The following ZFPM2 variants were observed in gnomAD, a reference collection of about 807,000 sequenced individuals.
ZFPM2 encodes zinc finger protein ZFPM2.
In ZFPM2, 20 loss-of-function variants were observed where a neutral mutation model predicts 98.6. The ratio of observed to expected loss-of-function variants is 0.20; its 90% confidence interval spans 0.14 to 0.29. ZFPM2 has a LOEUF of 0.29. Ranked by LOEUF, ZFPM2 falls within the 10% of genes least tolerant of loss-of-function variation. ZFPM2 has a pLI of 1.00. For missense variants in ZFPM2, 1,310 were observed against 1,388.6 expected (o/e 0.94, Z 0.90); for synonymous variants, 518 against 502.7 (o/e 1.03, Z -0.41).
At chr8:105,522,290 T>C (rs1460078572) in intron 3 of ZFPM2, among the ~76,000 whole-genome samples, 3 of 152,222 alleles carry the variant, frequency 2.0e-5, no homozygotes, top group Non-Finnish European at 4.4e-5. Flanking sequence ...GCATTACTTA[T>C]ATAAAAATGT....
At chr8:105,615,149 AG>A in intron 4 of ZFPM2, among the ~76,000 whole-genome samples, 1 of 151,708 alleles carries the variant, frequency 6.6e-6, no homozygotes, top group South Asian at 2.1e-4. Flanking sequence ...TGTGAAGGGT[AG>A]TAACAAGTCT....
chr8:105,504,069 G>T (rs1448368880), intron 3 of ZFPM2, among the ~76,000 whole-genome samples: 2 of 152,098 alleles, frequency 1.3e-5, no homozygotes, highest in Non-Finnish European at 2.9e-5. Context: ...AAGGAACAGG[G>T]CTTTCTTAGA....
intron 1 of ZFPM2, among the ~76,000 whole-genome samples, chr8:105,324,115 T>C (rs1812075320): frequency 6.6e-6 from 1 of 151,844 alleles, no homozygotes; most frequent in Non-Finnish European, 1.5e-5. Flanking sequence ...AGGAAGACAA[T>C]GCAATTAAGT....
chr8:105,561,858 T>C (rs1815144727), intron 4 of ZFPM2, among the ~76,000 whole-genome samples: 1 of 152,190 alleles, frequency 6.6e-6, no homozygotes. Flanking sequence ...TAAACAACTT[T>C]GTTTTTCCTT....
intron 4 of ZFPM2, among the ~76,000 whole-genome samples, chr8:105,571,946 A>C: frequency 6.6e-6 from 1 of 151,678 alleles, no homozygotes; most frequent in East Asian, 1.9e-4. Context: ...AGCATTGGCA[A>C]GTTTGTGACT....
chr8:105,663,931 A>AC (rs1738928637), intron 5 of ZFPM2, among the ~76,000 whole-genome samples: 1 of 152,142 alleles, frequency 6.6e-6, no homozygotes, highest in African/African-American at 2.4e-5. Flanking sequence ...CTAAGTAAAC[A>AC]CCCCCACTTG....
At chr8:105,686,641 G>A (rs571601771) in intron 5 of ZFPM2, among the ~76,000 whole-genome samples, 4 of 152,120 alleles carry the variant, frequency 2.6e-5, no homozygotes, top group East Asian at 1.9e-4. Flanking sequence ...ATAGTACAAT[G>A]TATAGTACTC....
intron 1 of ZFPM2, among the ~76,000 whole-genome samples, chr8:105,386,704 G>A (rs941762524): frequency 2.6e-5 from 4 of 152,122 alleles, no homozygotes; most frequent in Non-Finnish European, 5.9e-5. Flanking sequence ...ACTGCTGGCT[G>A]GGGCAGCCTG....
At chr8:105,674,331 C>G (rs1387287387) in intron 5 of ZFPM2, among the ~76,000 whole-genome samples, 1 of 152,152 alleles carries the variant, frequency 6.6e-6, no homozygotes, top group Non-Finnish European at 1.5e-5. Flanking sequence ...CTCAGCTGTG[C>G]AAGACACATT....
intron 3 of ZFPM2, among the ~76,000 whole-genome samples, chr8:105,452,222 G>A (rs1326907982): frequency 1.3e-5 from 2 of 152,122 alleles, no homozygotes; most frequent in African/African-American, 4.8e-5. Context: ...TATGCATTAT[G>A]AAGTAAAATA....
rs1173816893 is a variant in ZFPM2, at chr8:105,670,356, C to T, written c.532+35999C>T. On this transcript the variant is annotated intron_variant, in intron 5 of 7. Coordinates refer to ENST00000407775, the MANE Select transcript of ZFPM2 (RefSeq NM_012082.4). ...CTAAAAATGCAAAAAATTAGCTGGG[C>T]GCGGTGGCGGGCGCCTGTAGTCCCA... is the stretch of plus-strand genomic sequence containing the variant. Among the ~76,000 whole-genome samples the T allele has an allele frequency of 7.2e-5, 11 of 151,992 alleles. No individual in the cohort carries two copies. The East Asian group carries it at 7.8e-4, about 11-fold the overall frequency.
Position 105,444,365 on chromosome 8 carries a change from C to T in ZFPM2, c.285C>T (p.Asp95=), listed in dbSNP as rs371910925. 236 of 1,611,264 alleles carry T rather than the reference C, an allele frequency of 1.5e-4. No individual in the cohort carries two copies. Among genetic ancestry groups the T allele is most frequent in the Middle Eastern group, 3.3e-4 (2 of 6,082 alleles). Residue 95 remains aspartate, a synonymous_variant, in exon 3 of 8, where the codon GAC becomes GAT. Transcript: ENST00000407775. ...EKPGQPGVET[D]DWDGPGELEV... ...CGGGGCAACCTGGAGTTGAGACAGACGACTGGGATGGACCAGGTAGGGGAG... is the reference window on the plus strand; with the variant it reads ...CGGGGCAACCTGGAGTTGAGACAGATGACTGGGATGGACCAGGTAGGGGAG...
In ZFPM2 at chr8:105,798,879, C is replaced by G. The variant is rs752653109; in HGVS notation, c.895C>G (p.Pro299Ala). The change falls in exon 7 of 8, where the codon CCC becomes GCC. Residue 299 changes from proline (P) to alanine (A), a missense_variant. Physicochemically the swap from Pro to Ala is conservative, Grantham distance 27 (BLOSUM62 -1). Coordinates refer to ENST00000407775, the MANE Select transcript of ZFPM2 (RefSeq NM_012082.4). Reference protein sequence around the residue: ...DSAHQISSLCPFPQCTKSFSN... With the variant: ...DSAHQISSLCAFPQCTKSFSN... ...TGCCCATCAGATTTCCAGCCTGTGC[C>G]CCTTCCCACAGTGCACCAAGAGCTT... is the stretch of plus-strand genomic sequence containing the variant. 31 of 1,613,784 alleles carry G rather than the reference C, an allele frequency of 1.9e-5. No individual in the cohort carries two copies. The highest frequency in any genetic ancestry group is 4.0e-5 in the African/African-American group (3 of 74,904).
rs867743674 is a variant in ZFPM2 at position 105,508,861 on chromosome 8, A to T, written c.302-52502A>T. On this transcript the variant is annotated intron_variant, in intron 3 of 7. Coordinates refer to ENST00000407775, the MANE Select transcript of ZFPM2 (RefSeq NM_012082.4). Reference sequence around the variant, plus strand: ...TTTGGATTTTTTTTGAAAAAAAAAAATTTTTTTTTTAATGTGGAAGAAATC... The same window carrying T: ...TTTGGATTTTTTTTGAAAAAAAAAATTTTTTTTTTTAATGTGGAAGAAATC... Among the ~76,000 whole-genome samples the T allele has an allele frequency of 4.8e-4, 65 of 136,340 alleles. 3 individuals carry two copies. In the Middle Eastern group the frequency reaches 0.039, roughly 82 times the overall value. The allele number at this position is 136,340 out of a possible 152,430, so 89.4% of individuals were successfully genotyped here.
chr8:105,365,576 C>T (rs2129783156), intron 1 of ZFPM2, among the ~76,000 whole-genome samples: 1 of 152,178 alleles, frequency 6.6e-6, no homozygotes, highest in Non-Finnish European at 1.5e-5. Flanking sequence ...TTTAGATATT[C>T]ATCCAATAAA....
chr8:105,330,555 T>TAC (rs1563606525), intron 1 of ZFPM2, among the ~76,000 whole-genome samples: 7 of 104,884 alleles, frequency 6.7e-5, no homozygotes, highest in African/African-American at 2.7e-4. Context: ...TATATATACA[T>TAC]ATATATATAT....
At chr8:105,544,344 T>A (rs1814645645) in intron 3 of ZFPM2, among the ~76,000 whole-genome samples, 1 of 152,212 alleles carries the variant, frequency 6.6e-6, no homozygotes, top group South Asian at 2.1e-4. Context: ...CCATGATTTG[T>A]AATTGGAGTC....
intron 1 of ZFPM2, 41 bp from the exon 2 acceptor site, chr8:105,419,103 C>A (rs1222742881): frequency 6.3e-7 from 1 of 1,590,986 alleles, no homozygotes; most frequent in Non-Finnish European, 8.5e-7. Flanking sequence ...CACTGTCTTC[C>A]TTGCATATTT....
intron 5 of ZFPM2, among the ~76,000 whole-genome samples, chr8:105,733,382 A>G (rs1811991755): frequency 6.6e-6 from 1 of 152,026 alleles, no homozygotes; most frequent in East Asian, 2.0e-4. Context: ...GGCTAAGGGA[A>G]TGATTGAAAA....
Sources: allele counts gnomAD v4.1 joint callset (sites outside exome capture counted in the v4.1 genomes callset), GRCh38; gene constraint gnomAD v4.1.1; transcripts MANE v1.5; gene names NCBI Gene and HGNC (gene_info 2026-07-23, HGNC 2026-07-21).